The following PEBP1 variants were observed in gnomAD, a reference collection of about 807,000 sequenced individuals.
PEBP1 encodes phosphatidylethanolamine-binding protein 1.
In PEBP1, 17 loss-of-function variants were observed where a neutral mutation model predicts 22.7. The ratio of observed to expected loss-of-function variants is 0.75; its 90% CI spans 0.51 to 1.12. The LOEUF is 1.12. PEBP1 is among the 50% of genes most tolerant of loss of function. The pLI is 0.00. For missense variants in PEBP1, 205 were observed against 243.5 expected, an observed-to-expected ratio of 0.84 and a Z score of 1.05; for synonymous variants, 106 against 104.3, an observed-to-expected ratio of 1.02 and a Z score of -0.10.
At chr12:118,137,438 C>A (rs1378394942) in intron 1 of PEBP1, among the ~76,000 whole-genome samples, 1 of 152,116 alleles carries the variant, frequency 6.6e-6, no homozygotes, top group African/African-American at 2.4e-5. Flanking sequence ...TAGTTCCCAG[C>A]TGCTCAGGAG....
chr12:118,139,596 G>A, intron 3 of PEBP1, 45 bp downstream of exon 3: 5 of 1,220,910 alleles, frequency 4.1e-6, no homozygotes, highest in Non-Finnish European at 6.0e-6. Context: ...AGGGAGCTCG[G>A]GGGCACATTA....
intron 2 of PEBP1, 84 bp from the exon 3 acceptor site, chr12:118,139,367 A>G (rs113063411): frequency 8.0e-6 from 7 of 874,056 alleles, no homozygotes; most frequent in African/African-American, 3.3e-5. Flanking sequence ...GGCAGCCAGC[A>G]TGTTCTTGAT....
intron 1 of PEBP1, among the ~76,000 whole-genome samples, chr12:118,137,211 C>G (rs2034071452): frequency 6.6e-6 from 1 of 152,150 alleles, no homozygotes; most frequent in Non-Finnish European, 1.5e-5. Context: ...TCACCAAATC[C>G]AGAAACGCTG....
intron 3 of PEBP1, among the ~76,000 whole-genome samples, chr12:118,141,788 C>T (rs569483245): frequency 6.6e-6 from 1 of 152,266 alleles, no homozygotes; most frequent in South Asian, 2.1e-4. Context: ...GACTGGTCTG[C>T]TTCATTCCAG....
At chr12:118,140,726 G>GA (rs2034106700) in intron 3 of PEBP1, among the ~76,000 whole-genome samples, 1 of 152,102 alleles carries the variant, frequency 6.6e-6, no homozygotes, top group Non-Finnish European at 1.5e-5. Flanking sequence ...TTTTAGTAGA[G>GA]ACGGGGTTTC....
chr12:118,145,304 C>T lies in PEBP1; in HGVS notation c.*501C>T. ...CTGGCATTGAGGCTAACCTCCAACA[C>T]AGTGCATCTCAGATGCCTCAGTAGG... On this transcript the variant is annotated 3_prime_UTR_variant, in exon 4 of 4. Transcript: ENST00000261313. 1 of 307,012 alleles carries T rather than the reference C, an allele frequency of 3.3e-6. No homozygotes were observed. The highest frequency in any genetic ancestry group is 6.2e-6 in the Non-Finnish European group (1 of 160,006). 19.0% of individuals were successfully genotyped at this position (307,012 alleles called of 1,614,324 possible).
rs1419099705 is a variant in PEBP1, at chr12:118,136,129, G to A, written c.-81G>A. 6.7e-7 allele frequency: 1 copy of A among 1,501,392 alleles called. No homozygotes were observed. The highest frequency in any genetic ancestry group is 8.9e-7 in the Non-Finnish European group (1 of 1,119,692). 93.0% of individuals were successfully genotyped at this position (1,501,392 alleles called of 1,614,324 possible). ...GGTCTGCGTCTTCCCGAGCCAGTGT[G>A]CTGAGCTCTCCGCGTCGCCTCTGTC... On this transcript the variant is annotated 5_prime_UTR_variant, in exon 1 of 4. Transcript: ENST00000261313. The surrounding 1 kb of genome is among the most constrained non-coding windows in gnomAD (Gnocchi z 5.6).
Position 118,136,658 on chromosome 12 carries a change from C to CAGGGCGCTGGAGAGGG in PEBP1, c.135+316_135+331dup, listed in dbSNP as rs1217367161. Among the ~76,000 whole-genome samples, 2 of 152,220 alleles carry CAGGGCGCTGGAGAGGG rather than the reference C, an allele frequency of 1.3e-5. No homozygotes were observed. Among genetic ancestry groups the CAGGGCGCTGGAGAGGG allele is most frequent in the Non-Finnish European group, 2.9e-5 (2 of 68,030 alleles). On this transcript the variant is annotated intron_variant, in intron 1 of 3. Transcript: ENST00000261313. The surrounding 1 kb of genome is among the most constrained non-coding windows in gnomAD (Gnocchi z 5.6). The stretch of plus-strand genomic sequence containing the variant: ...CGGATCCCCCTCTCCCCCCACAGGC[C>CAGGGCGCTGGAGAGGG]AGGGCGCTGGAGAGGGACGTCGCCG...
intron 3 of PEBP1, among the ~76,000 whole-genome samples, chr12:118,141,854 C>A (rs552139848): frequency 6.6e-6 from 1 of 152,262 alleles, no homozygotes; most frequent in Admixed American, 6.5e-5. Context: ...CTTTTTATTG[C>A]TCAGTAATAT....
At chr12:118,141,606 C>T (rs1270211104) in intron 3 of PEBP1, among the ~76,000 whole-genome samples, 1 of 152,142 alleles carries the variant, frequency 6.6e-6, no homozygotes, top group African/African-American at 2.4e-5. Flanking sequence ...TGGTGGCATA[C>T]GTCTGTAGTC....
At chr12:118,140,267 C>G (rs2034102973) in intron 3 of PEBP1, among the ~76,000 whole-genome samples, 1 of 152,094 alleles carries the variant, frequency 6.6e-6, no homozygotes, top group Non-Finnish European at 1.5e-5. Context: ...CTGTCATAAT[C>G]CTAGCTTTTT....
At chr12:118,137,626 T>C (rs1418954078) in intron 1 of PEBP1, among the ~76,000 whole-genome samples, 1 of 152,178 alleles carries the variant, frequency 6.6e-6, no homozygotes, top group South Asian at 2.1e-4. Context: ...ATTGATTTTA[T>C]TAAAAATCTA....
At chr12:118,142,052 ACC>A (rs2034117990) in intron 3 of PEBP1, among the ~76,000 whole-genome samples, 1 of 152,158 alleles carries the variant, frequency 6.6e-6, no homozygotes, top group East Asian at 1.9e-4. Flanking sequence ...ACCAGGATGA[ACC>A]CTGAGGAACA....
Position 118,136,139 on chromosome 12 carries a change from C to T in PEBP1, c.-71C>T, listed in dbSNP as rs2034053659. ...TTCCCGAGCCAGTGTGCTGAGCTCT[C>T]CGCGTCGCCTCTGTCGCCCGCGCCT... On this transcript the variant is annotated 5_prime_UTR_variant, in exon 1 of 4. Transcript: ENST00000261313. The surrounding 1 kb of genome is among the most constrained non-coding windows in gnomAD (Gnocchi z 5.6). 2 of 1,523,594 alleles carry T rather than the reference C, an allele frequency of 1.3e-6. No homozygotes were observed. The highest frequency in any genetic ancestry group is 1.8e-6 in the Non-Finnish European group (2 of 1,137,800). The allele number at this position is 1,523,594 out of a possible 1,614,324, so 94.4% of individuals were successfully genotyped here.
At chr12:118,138,707 T>C (rs1053399166) in intron 2 of PEBP1, among the ~76,000 whole-genome samples, 2 of 152,162 alleles carry the variant, frequency 1.3e-5, no homozygotes, top group Non-Finnish European at 2.9e-5. Flanking sequence ...GGTTTTCACA[T>C]TTTTAAATGA....
intron 3 of PEBP1, among the ~76,000 whole-genome samples, chr12:118,142,777 C>T (rs1407940042): frequency 6.6e-6 from 1 of 150,698 alleles, no homozygotes; most frequent in Non-Finnish European, 1.5e-5. Flanking sequence ...GCGCCCCCTC[C>T]ATCTTAACCA....
In PEBP1 at chr12:118,136,551, C is replaced by T. The variant is rs2034061605; in HGVS notation, c.135+207C>T. Among the ~76,000 whole-genome samples the T allele has an allele frequency of 6.6e-6, 1 of 152,224 alleles. No homozygotes were observed. The highest frequency in any genetic ancestry group is 2.4e-5 in the African/African-American group (1 of 41,470). The stretch of plus-strand genomic sequence containing the variant: ...CCGGGAACCCGGCCTGTGGCGTGGC[C>T]AGGCAGGTTCGGCCTGCGGCAGAAA... On this transcript the variant is annotated intron_variant, in intron 1 of 3. Transcript: ENST00000261313. This position sits in a 1 kb window ranked among gnomAD's most constrained non-coding sequence, Gnocchi z 5.6.
rs2034080628 is a variant in PEBP1 at position 118,137,931 on chromosome 12, C to T, written c.136-108C>T. 4.2e-6 allele frequency: 3 copies of T among 720,566 alleles called. No individual in the cohort carries two copies. The South Asian group carries it at 4.8e-5, about 12-fold the overall frequency. The allele number at this position is 720,566 out of a possible 1,614,324, so 44.6% of individuals were successfully genotyped here. ...CAAACCCCTGACCTCAAGTGATCCT[C>T]TCTCCTAGGCCTCCCAAAGTGCTGG... On this transcript the variant is annotated intron_variant, in intron 1 of 3. Transcript: ENST00000261313.
In PEBP1 at chr12:118,136,359, G is replaced by T; in HGVS notation, c.135+15G>T. 6.5e-7 allele frequency: 1 copy of T among 1,536,108 alleles called. No individual in the cohort carries two copies. The highest frequency in any genetic ancestry group is 1.2e-5 in the South Asian group (1 of 83,650). ...CGCCCACCCAGGTACACCGGGCGGCGGGCGTGCAGCGAGCGGCACGGCGCG... is the reference window on the plus strand; with the variant it reads ...CGCCCACCCAGGTACACCGGGCGGCTGGCGTGCAGCGAGCGGCACGGCGCG... On this transcript the variant is annotated intron_variant, in intron 1 of 3. Coordinates refer to ENST00000261313, the MANE Select transcript of PEBP1 (RefSeq NM_002567.4). This position sits in a 1 kb window ranked among gnomAD's most constrained non-coding sequence, Gnocchi z 5.6.
Sources: allele counts gnomAD v4.1 joint callset (sites outside exome capture counted in the v4.1 genomes callset), GRCh38; gene constraint gnomAD v4.1.1; non-coding constraint Gnocchi (gnomAD v3.1); transcripts MANE v1.5; gene names NCBI Gene and HGNC (gene_info 2026-07-23, HGNC 2026-07-21).